The following SPOCK3 variants were observed in gnomAD, a reference collection of about 807,000 sequenced individuals.
SPOCK3 encodes testican-3.
A neutral mutation model predicts 56.6 loss-of-function variants in SPOCK3; 30 were observed. The ratio of observed to expected loss-of-function variants is 0.53; its 90% CI spans 0.40 to 0.72. The LOEUF (loss-of-function observed/expected upper bound fraction) is 0.72, where lower values mean the gene tolerates loss of function less well. SPOCK3 is among the 30% of genes least tolerant of loss of function. SPOCK3 has a pLI of 0.00. For synonymous variants in SPOCK3, 196 were observed against 183.3 expected, an observed-to-expected ratio of 1.07 and a Z score of -0.56; for missense variants, 527 against 530.0, an observed-to-expected ratio of 0.99 and a Z score of 0.06.
intron 2 of SPOCK3, among the ~76,000 whole-genome samples, chr4:167,225,985 A>C (rs1736558446): frequency 6.6e-6 from 1 of 152,108 alleles, no homozygotes; most frequent in Admixed American, 6.6e-5. Flanking sequence ...CTTTTTCTGC[A>C]TCGGAGGAAA....
chr4:167,040,815 G>T (rs1262259521), intron 3 of SPOCK3, among the ~76,000 whole-genome samples: 1 of 152,036 alleles, frequency 6.6e-6, no homozygotes, highest in Non-Finnish European at 1.5e-5. Flanking sequence ...TGAAACTTAG[G>T]GGATAAAAGA....
At chr4:166,894,990 T>G (rs1338572695) in intron 5 of SPOCK3, among the ~76,000 whole-genome samples, 1 of 152,108 alleles carries the variant, frequency 6.6e-6, no homozygotes, top group Non-Finnish European at 1.5e-5. Context: ...CTTCAAAATG[T>G]AATAAATTTT....
chr4:166,829,750 G>T (rs1285174854), intron 6 of SPOCK3, among the ~76,000 whole-genome samples: 2 of 152,036 alleles, frequency 1.3e-5, no homozygotes, highest in South Asian at 2.1e-4. Flanking sequence ...AGATAATATT[G>T]TGTAGCTTAT....
chr4:166,972,679 T>C (rs1241010929), intron 4 of SPOCK3, among the ~76,000 whole-genome samples: 1 of 152,054 alleles, frequency 6.6e-6, no homozygotes, highest in Non-Finnish European at 1.5e-5. Flanking sequence ...ATGTTTATTT[T>C]AAAGCAAGCA....
chr4:167,098,979 T>C (rs1350372946), intron 2 of SPOCK3, among the ~76,000 whole-genome samples: 5 of 152,024 alleles, frequency 3.3e-5, no homozygotes, highest in African/African-American at 4.8e-5. Flanking sequence ...ATTTACTTTA[T>C]TGGAATTTAT....
chr4:166,786,213 T>C (rs1740716180), intron 7 of SPOCK3, among the ~76,000 whole-genome samples: 1 of 151,676 alleles, frequency 6.6e-6, no homozygotes, highest in Admixed American at 6.6e-5. Context: ...GGGGGAAGAG[T>C]GTTCTAGGAC....
intron 4 of SPOCK3, among the ~76,000 whole-genome samples, chr4:166,948,644 G>T (rs1276934086): frequency 6.6e-6 from 1 of 151,918 alleles, no homozygotes; most frequent in African/African-American, 2.4e-5. Flanking sequence ...TCATATATCT[G>T]TTGGCCATTA....
chr4:166,920,521 C>T (rs1738367603), intron 4 of SPOCK3, among the ~76,000 whole-genome samples: 1 of 152,164 alleles, frequency 6.6e-6, no homozygotes, highest in Non-Finnish European at 1.5e-5. Context: ...ATTAACTGTG[C>T]TACTATTTTA....
At chr4:166,898,870 G>T (rs1735696663) in intron 5 of SPOCK3, among the ~76,000 whole-genome samples, 2 of 152,158 alleles carry the variant, frequency 1.3e-5, no homozygotes, top group Non-Finnish European at 2.9e-5. Context: ...TTCTGGGCAT[G>T]ACTATGAGGA....
At position 166,922,571 on chromosome 4, in the gene SPOCK3, T is replaced by G. The variant is rs531293606; in HGVS notation, c.351-9828A>C. On this transcript the variant is annotated intron_variant, in intron 4 of 10. Coordinates refer to ENST00000357545, the MANE Select transcript of SPOCK3 (RefSeq NM_001040159.2). ...ATTCTGAGTCCCTTTCATGCTCTAA[T>G]GACATCTCTCATGACATTAGGAGAC... 2.0e-5 allele frequency among the ~76,000 whole-genome samples: 3 copies of G among 152,332 alleles called. No individual in the cohort carries two copies. In the South Asian group the frequency reaches 6.2e-4, roughly 32 times the overall value.
chr4:167,191,588 C>G (rs922304290), intron 2 of SPOCK3, among the ~76,000 whole-genome samples: 1 of 145,180 alleles, frequency 6.9e-6, no homozygotes, highest in South Asian at 2.1e-4. Context: ...TTTTCAGATA[C>G]TTGGTAGTAG....
chr4:167,023,292 T>A (rs77566612), intron 3 of SPOCK3, among the ~76,000 whole-genome samples: 1 of 151,946 alleles, frequency 6.6e-6, no homozygotes, highest in African/African-American at 2.4e-5. Flanking sequence ...AAAAGACTTA[T>A]TGATAGCCAT....
chr4:167,202,431 AG>A (rs1175380047), intron 2 of SPOCK3, among the ~76,000 whole-genome samples: 2 of 152,020 alleles, frequency 1.3e-5, no homozygotes, highest in African/African-American at 4.8e-5. Context: ...AAATATAGTC[AG>A]CTTTGTGAAA....
rs748212241 is a variant in SPOCK3, at chr4:166,734,996, T to G, written c.1227A>C (p.Glu409Asp). ...CTTCATCATCATCTTCAATTTCATC[T>G]TCATCATTCATAATATCGTCTTCAT... is the stretch of plus-strand genomic sequence containing the variant. ...EDDEDDIMND[E>D]DEIEDDDEDE... The change falls in exon 11 of 11, where the codon GAA becomes GAC. Residue 409 changes from glutamate (E) to aspartate (D), a missense_variant. Glu to Asp is a conservative substitution (Grantham distance 45). Transcript: ENST00000357545. The G allele has an allele frequency of 6.5e-7, 1 of 1,544,284 alleles. No individual in the cohort carries two copies. Among genetic ancestry groups the G allele is most frequent in the Admixed American group, 1.7e-5 (1 of 59,572 alleles).
intron 2 of SPOCK3, among the ~76,000 whole-genome samples, chr4:167,141,386 A>G (rs1350907579): frequency 6.6e-6 from 1 of 152,036 alleles, no homozygotes; most frequent in Non-Finnish European, 1.5e-5. Context: ...AGTTTATCCT[A>G]ATCTCTAATC....
chr4:167,198,367 G>C (rs1199602450), intron 2 of SPOCK3, among the ~76,000 whole-genome samples: 1 of 152,106 alleles, frequency 6.6e-6, no homozygotes, highest in Non-Finnish European at 1.5e-5. Context: ...TTTGGTTATA[G>C]ATGTCTCAGA....
At chr4:167,225,131 G>C (rs1349406692) in intron 2 of SPOCK3, among the ~76,000 whole-genome samples, 2 of 152,086 alleles carry the variant, frequency 1.3e-5, no homozygotes, top group Non-Finnish European at 2.9e-5. Flanking sequence ...ATAAAAACAG[G>C]AAGAATCTAC....
chr4:167,010,619 A>T (rs1268321020), intron 3 of SPOCK3, among the ~76,000 whole-genome samples: 1 of 152,122 alleles, frequency 6.6e-6, no homozygotes, highest in Non-Finnish European at 1.5e-5. Context: ...AAAATTATTA[A>T]ATGTATATAT....
chr4:166,941,841 T>C (rs1741103450), intron 4 of SPOCK3, among the ~76,000 whole-genome samples: 1 of 152,140 alleles, frequency 6.6e-6, no homozygotes, highest in Admixed American at 6.5e-5. Context: ...GTGATGAGCC[T>C]GGATGTGAAT....
Sources: allele counts gnomAD v4.1 joint callset (sites outside exome capture counted in the v4.1 genomes callset), GRCh38; gene constraint gnomAD v4.1.1; transcripts MANE v1.5; gene names NCBI Gene and HGNC (gene_info 2026-07-23, HGNC 2026-07-21).